The following GSK3B variants were observed in gnomAD, a reference collection of about 807,000 sequenced individuals.
GSK3B encodes glycogen synthase kinase 3 beta.
GSK3B carries 15 observed loss-of-function variants against 56.4 expected under a neutral mutation model. The observed-to-expected ratio is 0.27, with a 90% CI of 0.18 to 0.41. The LOEUF is 0.41. GSK3B is among the 10% of genes least tolerant of loss of function. The pLI is 1.00. For synonymous variants in GSK3B, 181 were observed against 188.9 expected (o/e 0.96, Z 0.34); for missense variants, 300 against 513.4 (o/e 0.58, Z 4.02).
At chr3:119,993,775 AC>A (rs144331262) in intron 2 of GSK3B, among the ~76,000 whole-genome samples, 2,800 of 152,350 alleles carry the variant, frequency 0.018, 92 homozygotes, top group African/African-American at 0.064. Flanking sequence ...ACAGAAAAAA[AC>A]GTGTGAATAT....
At chr3:120,070,014 A>G (rs1255140045) in intron 1 of GSK3B, among the ~76,000 whole-genome samples, 1 of 152,170 alleles carries the variant, frequency 6.6e-6, no homozygotes, top group Non-Finnish European at 1.5e-5. Context: ...AGAGATCGAG[A>G]CCATCCTGGC....
intron 10 of GSK3B, among the ~76,000 whole-genome samples, chr3:119,832,485 G>T (rs2055618019): frequency 6.6e-6 from 1 of 152,196 alleles, no homozygotes; most frequent in Non-Finnish European, 1.5e-5. Flanking sequence ...CTAATATGCA[G>T]AAATAGATAA....
intron 2 of GSK3B, among the ~76,000 whole-genome samples, chr3:119,962,821 A>T (rs752658479): frequency 7.2e-5 from 11 of 152,182 alleles, no homozygotes; most frequent in Admixed American, 2.6e-4. Flanking sequence ...TTCAGGATGA[A>T]ACTGTTCTAC....
At chr3:120,054,891 C>T (rs1379089099) in intron 1 of GSK3B, among the ~76,000 whole-genome samples, 1 of 152,192 alleles carries the variant, frequency 6.6e-6, no homozygotes, top group African/African-American at 2.4e-5. Context: ...GCTTATTCCA[C>T]ATTTTGATAA....
At chr3:119,957,906 A>AT (rs1303850178) in intron 2 of GSK3B, among the ~76,000 whole-genome samples, 2 of 152,208 alleles carry the variant, frequency 1.3e-5, no homozygotes, top group Admixed American at 6.5e-5. Context: ...GAAAGAGCTT[A>AT]TAATTCAAAA....
chr3:119,979,984 CAG>C (rs2057444669), intron 2 of GSK3B, among the ~76,000 whole-genome samples: 1 of 151,180 alleles, frequency 6.6e-6, no homozygotes, highest in Non-Finnish European at 1.5e-5. Flanking sequence ...GGGAAATTAG[CAG>C]AGAGAAAAAA....
chr3:119,983,047 A>G (rs146861179), intron 2 of GSK3B, among the ~76,000 whole-genome samples: 162 of 152,338 alleles, frequency 1.1e-3, no homozygotes, highest in African/African-American at 3.5e-3. Flanking sequence ...AGTGGAGGCC[A>G]ATATTCAAAA....
At chr3:119,981,281 A>T (rs915282164) in intron 2 of GSK3B, among the ~76,000 whole-genome samples, 3 of 152,252 alleles carry the variant, frequency 2.0e-5, no homozygotes, top group African/African-American at 4.8e-5. Flanking sequence ...AGCATGATCG[A>T]CGCAGAAGAC....
At chr3:119,916,441 T>C (rs2056782158) in intron 4 of GSK3B, among the ~76,000 whole-genome samples, 1 of 152,208 alleles carries the variant, frequency 6.6e-6, no homozygotes, top group Non-Finnish European at 1.5e-5. Context: ...ATGTGCTTTA[T>C]AACTTTTAAT....
chr3:119,873,655 G>C (rs1362555639), intron 8 of GSK3B, among the ~76,000 whole-genome samples: 6 of 151,876 alleles, frequency 4.0e-5, no homozygotes, highest in Non-Finnish European at 5.9e-5. Context: ...TTTAAGTTTT[G>C]CATTTTAATT....
chr3:119,860,864 G>T (rs1197922540), intron 9 of GSK3B, among the ~76,000 whole-genome samples: 1 of 152,080 alleles, frequency 6.6e-6, no homozygotes, highest in East Asian at 1.9e-4. Flanking sequence ...TTTTATTTGG[G>T]GGAAGTAGTG....
chr3:120,001,793 C>A (rs1303813357), intron 2 of GSK3B, among the ~76,000 whole-genome samples: 2 of 152,110 alleles, frequency 1.3e-5, no homozygotes, highest in Non-Finnish European at 2.9e-5. Context: ...TTTTAACTTA[C>A]CTTTCACAGG....
intron 1 of GSK3B, among the ~76,000 whole-genome samples, chr3:120,034,323 T>C (rs1576286186): frequency 6.6e-6 from 1 of 152,214 alleles, no homozygotes; most frequent in Admixed American, 6.5e-5. Context: ...ACTCCTATGT[T>C]TTCTCCTAGG....
chr3:119,977,267 T>C (rs114857381), intron 2 of GSK3B, among the ~76,000 whole-genome samples: 187 of 152,308 alleles, frequency 1.2e-3, no homozygotes, highest in African/African-American at 4.2e-3. Flanking sequence ...TAATGAAACT[T>C]TGTATGAAAA....
intron 1 of GSK3B, among the ~76,000 whole-genome samples, chr3:120,030,698 C>A (rs2057967803): frequency 6.6e-6 from 1 of 152,198 alleles, no homozygotes; most frequent in South Asian, 2.1e-4. Context: ...TTAAACCTCA[C>A]TTCTTCAGAG....
chr3:119,829,363 C>A (rs1039527338), intron 10 of GSK3B, among the ~76,000 whole-genome samples: 1 of 152,184 alleles, frequency 6.6e-6, no homozygotes, highest in African/African-American at 2.4e-5. Flanking sequence ...CATCATCCAA[C>A]AGCATTTCCT....
intron 1 of GSK3B, chr3:120,030,009 C>A: frequency 2.6e-6 from 1 of 382,138 alleles, no homozygotes; most frequent in East Asian, 6.1e-5. Flanking sequence ...AGCTGTGTCC[C>A]CCAGTCTGTC....
At chr3:119,961,279 GT>G (rs1559854371) in intron 2 of GSK3B, among the ~76,000 whole-genome samples, 1 of 152,160 alleles carries the variant, frequency 6.6e-6, no homozygotes, top group African/African-American at 2.4e-5. Flanking sequence ...ACCAAAGATT[GT>G]GTATATATAA....
chr3:120,025,254 G>C (rs986463175), intron 1 of GSK3B, among the ~76,000 whole-genome samples: 2 of 152,178 alleles, frequency 1.3e-5, no homozygotes, highest in Non-Finnish European at 1.5e-5. Flanking sequence ...TGAGGCATGA[G>C]AATCACTTGA....
Sources: allele counts gnomAD v4.1 joint callset (sites outside exome capture counted in the v4.1 genomes callset), GRCh38; gene constraint gnomAD v4.1.1; transcripts MANE v1.5; gene names NCBI Gene and HGNC (gene_info 2026-07-23, HGNC 2026-07-21).